The following SUGCT variants were observed in gnomAD, a reference collection of about 807,000 sequenced individuals.
SUGCT encodes the protein succinyl-CoA:glutarate CoA-transferase.
A neutral mutation model predicts 55.0 loss-of-function variants in SUGCT; 41 were observed. That is an observed-to-expected ratio of 0.74 (90% confidence interval 0.58 to 0.97). SUGCT has a LOEUF of 0.97. Among genes scored for constraint, SUGCT ranks in the 50% least tolerant of loss-of-function variants. The probability of loss-of-function intolerance (pLI) is 0.00; values close to 1 mark genes in which losing one functional copy is unlikely to be tolerated. For synonymous variants in SUGCT, 187 were observed against 200.4 expected (o/e 0.93, Z 0.56); for missense variants, 568 against 547.8 (o/e 1.04, Z -0.37).
chr7:40,384,684 C>T (rs1785027660), intron 9 of SUGCT, among the ~76,000 whole-genome samples: 1 of 152,028 alleles, frequency 6.6e-6, no homozygotes, highest in Non-Finnish European at 1.5e-5. Context: ...GCTGGGATTA[C>T]AGGTGCCTGC....
the SUGCT span, among the ~76,000 whole-genome samples, chr7:40,919,994 T>C: frequency 6.6e-6 from 1 of 152,074 alleles, no homozygotes; most frequent in African/African-American, 2.4e-5. Context: ...TCTTCCTCCA[T>C]AGTTTTTATC....
intron 9 of SUGCT, among the ~76,000 whole-genome samples, chr7:40,372,280 T>G (rs1354786325): frequency 1.3e-5 from 2 of 152,070 alleles, no homozygotes; most frequent in African/African-American, 2.4e-5. Context: ...GAAGACTGAT[T>G]GAGGCCATTA....
chr7:41,034,922 G>C, the SUGCT span, among the ~76,000 whole-genome samples: 3 of 152,174 alleles, frequency 2.0e-5, no homozygotes, highest in Middle Eastern at 3.2e-3. Context: ...GCGTGGTTCT[G>C]CTCCAGCTGC....
At chr7:40,694,483 G>A (rs1253384893) in intron 12 of SUGCT, among the ~76,000 whole-genome samples, 3 of 152,156 alleles carry the variant, frequency 2.0e-5, no homozygotes, top group Non-Finnish European at 4.4e-5. Flanking sequence ...AGCCTTTTCA[G>A]TTTTGTCTCT....
At chr7:40,458,475 C>A (rs10278801) in intron 10 of SUGCT, among the ~76,000 whole-genome samples, 43,219 of 152,062 alleles carry the variant, frequency 0.28, 8,034 homozygotes, top group African/African-American at 0.52. Context: ...GAGATATATT[C>A]ATAAAAAATA....
chr7:40,972,916 AG>A, the SUGCT span, among the ~76,000 whole-genome samples: 1 of 152,350 alleles, frequency 6.6e-6, no homozygotes, highest in Non-Finnish European at 1.5e-5. Flanking sequence ...TTGCTCCTGC[AG>A]GTTTGCTTTC....
chr7:41,030,336 G>A, the SUGCT span, among the ~76,000 whole-genome samples: 1 of 151,904 alleles, frequency 6.6e-6, no homozygotes, highest in East Asian at 1.9e-4. Context: ...TCATTTGGAA[G>A]CCTTACTTTC....
chr7:40,898,618 G>A, the SUGCT span, among the ~76,000 whole-genome samples: 2 of 152,030 alleles, frequency 1.3e-5, no homozygotes, highest in South Asian at 2.1e-4. Context: ...TAGCTACGGG[G>A]GAAGCTGAGG....
intron 8 of SUGCT, among the ~76,000 whole-genome samples, chr7:40,286,526 A>G (rs1282612693): frequency 6.6e-6 from 1 of 152,178 alleles, no homozygotes; most frequent in Non-Finnish European, 1.5e-5. Context: ...GGACATTGAC[A>G]TCTTTGGAGA....
chr7:40,810,070 A>G (rs113710489), intron 13 of SUGCT, among the ~76,000 whole-genome samples: 2 of 152,188 alleles, frequency 1.3e-5, no homozygotes, highest in African/African-American at 4.8e-5. Flanking sequence ...TGCTATTGTG[A>G]ATAGTTCTGT....
the SUGCT span, among the ~76,000 whole-genome samples, chr7:41,027,775 A>G: frequency 6.6e-6 from 1 of 152,172 alleles, no homozygotes; most frequent in East Asian, 1.9e-4. Flanking sequence ...TAATTTTTTA[A>G]TGATCGTCTA....
intron 12 of SUGCT, among the ~76,000 whole-genome samples, chr7:40,682,255 T>G (rs1213751989): frequency 6.6e-6 from 1 of 152,190 alleles, no homozygotes; most frequent in Non-Finnish European, 1.5e-5. Context: ...TTCCCCACCC[T>G]ATACATCTCT....
chr7:40,151,008 G>A (rs1390055832), intron 1 of SUGCT, among the ~76,000 whole-genome samples: 2 of 152,160 alleles, frequency 1.3e-5, no homozygotes, highest in East Asian at 1.9e-4. Flanking sequence ...AGGCTGAGGC[G>A]GGCGGATTGC....
intron 11 of SUGCT, among the ~76,000 whole-genome samples, chr7:40,486,678 T>A (rs1791369443): frequency 6.6e-6 from 1 of 151,940 alleles, no homozygotes; most frequent in African/African-American, 2.4e-5. Flanking sequence ...TCCATTTATA[T>A]TCACGTCAAG....
chr7:40,345,359 A>C (rs1797256669), intron 9 of SUGCT, among the ~76,000 whole-genome samples: 1 of 152,194 alleles, frequency 6.6e-6, no homozygotes. Flanking sequence ...TTCTTGTATT[A>C]CATATATGTA....
intron 13 of SUGCT, among the ~76,000 whole-genome samples, chr7:40,832,107 C>A (rs542004163): frequency 6.6e-6 from 1 of 152,244 alleles, no homozygotes; most frequent in African/African-American, 2.4e-5. Flanking sequence ...GCCGTGCATG[C>A]AAATGTGTGG....
At chr7:40,747,939 T>C (rs1374990330) in intron 12 of SUGCT, among the ~76,000 whole-genome samples, 1 of 152,200 alleles carries the variant, frequency 6.6e-6, no homozygotes, top group East Asian at 1.9e-4. Flanking sequence ...TTTGTCTTTT[T>C]GCTTACCCCC....
the SUGCT span, among the ~76,000 whole-genome samples, chr7:40,899,327 C>T: frequency 2.0e-5 from 3 of 152,200 alleles, no homozygotes; most frequent in Admixed American, 1.3e-4. Flanking sequence ...TTATTTACCC[C>T]TCCGCCTCCC....
chr7:40,756,337 G>A lies in SUGCT; in HGVS notation c.1153+6840G>A, dbSNP rs867167875. On this transcript the variant is annotated intron_variant, in intron 13 of 13. Transcript: ENST00000335693. The stretch of plus-strand genomic sequence containing the variant: ...GATTTATGATCCATTTATTCAGTAT[G>A]CATTTTTTATTAATGGACTGGCTAC... Among the ~76,000 whole-genome samples the A allele has an allele frequency of 3.3e-5, 5 of 152,162 alleles. No individual in the cohort carries two copies. The South Asian group carries it at 6.2e-4, about 19-fold the overall frequency.
Sources: allele counts gnomAD v4.1 joint callset (sites outside exome capture counted in the v4.1 genomes callset), GRCh38; gene constraint gnomAD v4.1.1; transcripts MANE v1.5; gene names NCBI Gene and HGNC (gene_info 2026-07-23, HGNC 2026-07-21).